RC3H1: variants seen among roughly 807,000 people sequenced by gnomAD.
RC3H1 encodes the protein ring finger and CCCH-type domains 1, also known as roquin-1.
A neutral mutation model predicts 138.2 loss-of-function variants in RC3H1; 50 were observed. The ratio of observed to expected loss-of-function variants is 0.36; its 90% confidence interval spans 0.29 to 0.46. The LOEUF (loss-of-function observed/expected upper bound fraction) is 0.46. Among genes scored for constraint, RC3H1 ranks in the 20% least tolerant of loss-of-function variants. The pLI is 1.00. For synonymous variants in RC3H1, 462 were observed against 489.1 expected (o/e 0.94, Z 0.73); for missense variants, 1,031 against 1,388.1 (o/e 0.74, Z 4.09).
rs748994441 is a variant in RC3H1, at chr1:173,961,149, C to T, written c.2298G>A (p.Glu766=). ...GAGGTGGAGAGATAACCTTTCTTTC[C>T]TCTAGCTGGGCCATTATTTCCTTTC... ...RRRKEIMAQL[E]ERKVISPPPF... The change falls in exon 13 of 20, where the codon GAG becomes GAA. Residue 766 remains glutamate (E), a synonymous_variant. Transcript: ENST00000367696. The T allele has an allele frequency of 9.9e-6, 16 of 1,613,932 alleles. No individual in the cohort carries two copies. The African/African-American group carries it at 1.1e-4, about 11-fold the overall frequency.
intron 18 of RC3H1, 111 bp from the exon 19 acceptor site, chr1:173,941,491 G>A (rs867696114): frequency 7.5e-6 from 5 of 666,980 alleles, no homozygotes; most frequent in African/African-American, 3.6e-5. Context: ...ATTCAATTTT[G>A]TAAAATAACC....
chr1:173,949,566 G>C (rs953761102), intron 14 of RC3H1, among the ~76,000 whole-genome samples: 4 of 151,956 alleles, frequency 2.6e-5, no homozygotes, highest in Non-Finnish European at 5.9e-5. Context: ...ATGAGGTTTC[G>C]CCATGTTGCC....
At chr1:173,961,578 C>G in intron 12 of RC3H1, 147 bp downstream of exon 12, 1 of 809,738 alleles carries the variant, frequency 1.2e-6, no homozygotes, top group South Asian at 2.9e-5. Context: ...AAAAAAAATA[C>G]CCAAATTATG....
intron 13 of RC3H1, among the ~76,000 whole-genome samples, chr1:173,958,262 G>T (rs922142642): frequency 6.6e-6 from 1 of 152,030 alleles, no homozygotes; most frequent in African/African-American, 2.4e-5. Context: ...GATTTTTTGG[G>T]CAGGGCACAG....
chr1:174,003,385 TCACA>T (rs3220994), intron 1 of RC3H1, among the ~76,000 whole-genome samples: 11,139 of 143,216 alleles, frequency 0.078, 990 homozygotes, highest in African/African-American at 0.22. Flanking sequence ...AAGACTCCTA[TCACA>T]CACACACACA....
intron 1 of RC3H1, among the ~76,000 whole-genome samples, chr1:174,003,385 TCA>T (rs3220994): frequency 0.042 from 6,048 of 142,958 alleles, 322 homozygotes; most frequent in African/African-American, 0.13. Context: ...AAGACTCCTA[TCA>T]CACACACACA....
intron 19 of RC3H1, among the ~76,000 whole-genome samples, chr1:173,939,862 T>C (rs567820507): frequency 1.3e-5 from 2 of 151,466 alleles, no homozygotes; most frequent in African/African-American, 4.8e-5. Context: ...GAATCCAAGA[T>C]AGTGCATGAA....
chr1:173,957,200 TTAG>T (rs1659686421), intron 13 of RC3H1, among the ~76,000 whole-genome samples: 1 of 152,196 alleles, frequency 6.6e-6, no homozygotes, highest in Admixed American at 6.5e-5. Flanking sequence ...ATAATTTTTA[TTAG>T]GAGTAAAAAT....
chr1:173,942,428 CAAAAAAA>C (rs60694243), intron 18 of RC3H1, among the ~76,000 whole-genome samples: 8 of 38,080 alleles, frequency 2.1e-4, no homozygotes, highest in African/African-American at 5.7e-4. Flanking sequence ...GACTCAGTCT[CAAAAAAA>C]AAAAAAAAAA....
chr1:173,999,193 A>G (rs2103062084), intron 1 of RC3H1, among the ~76,000 whole-genome samples: 1 of 152,212 alleles, frequency 6.6e-6, no homozygotes, highest in South Asian at 2.1e-4. Flanking sequence ...GTTTGAGACC[A>G]GCTTGACCAA....
chr1:173,970,737 A>G (rs957684992), intron 8 of RC3H1, 120 bp from the exon 9 acceptor site: 1 of 593,624 alleles, frequency 1.7e-6, no homozygotes, highest in Non-Finnish European at 2.8e-6. Context: ...TATTTAGATT[A>G]CCAAGAGCAA....
intron 19 of RC3H1, among the ~76,000 whole-genome samples, chr1:173,940,687 A>C (rs1658815234): frequency 6.6e-6 from 1 of 151,980 alleles, no homozygotes; most frequent in South Asian, 2.1e-4. Context: ...TATAATGTAA[A>C]GATATAAGGC....
chr1:173,943,715 A>C (rs1571166581), intron 17 of RC3H1, 100 bp from the exon 18 acceptor site: 2 of 1,191,842 alleles, frequency 1.7e-6, no homozygotes, highest in Non-Finnish European at 2.3e-6. Flanking sequence ...GTAGCTTATC[A>C]CCCAGCCATT....
intron 17 of RC3H1, among the ~76,000 whole-genome samples, chr1:173,945,993 C>T (rs954319126): frequency 2.0e-5 from 3 of 151,966 alleles, no homozygotes; most frequent in African/African-American, 7.3e-5. Flanking sequence ...AGGGGTGAAA[C>T]CCTATCTCTA....
At chr1:173,963,896 T>C in intron 11 of RC3H1, 77 bp downstream of exon 11, 1 of 1,213,524 alleles carries the variant, frequency 8.2e-7, no homozygotes, top group Non-Finnish European at 1.2e-6. Context: ...GGCTACTGTG[T>C]AAATGATCAC....
chr1:173,980,633 C>G (rs1160630102), intron 6 of RC3H1, among the ~76,000 whole-genome samples, 176 bp downstream of exon 6: 1 of 151,946 alleles, frequency 6.6e-6, no homozygotes, highest in East Asian at 1.9e-4. Context: ...AAAATATAAA[C>G]TAATCAAATC....
chr1:173,979,566 G>A (rs992935253), intron 6 of RC3H1, among the ~76,000 whole-genome samples: 4 of 152,184 alleles, frequency 2.6e-5, no homozygotes, highest in Non-Finnish European at 5.9e-5. Context: ...TGAGGCAGGA[G>A]AATCGCTTGA....
chr1:173,989,249 C>T (rs1661162821), intron 2 of RC3H1, among the ~76,000 whole-genome samples: 1 of 152,086 alleles, frequency 6.6e-6, no homozygotes, highest in African/African-American at 2.4e-5. Context: ...TGCCATGTTG[C>T]TTAGGCTGGT....
At position 173,935,913 on chromosome 1, in the gene RC3H1, G is replaced by A. The variant is rs964722910; in HGVS notation, c.*2808C>T. On this transcript the variant is annotated 3_prime_UTR_variant, in exon 20 of 20. Coordinates refer to ENST00000367696, the MANE Select transcript of RC3H1 (RefSeq NM_172071.4). ...GATTAGCTCTAGAGTGTAGGACCAT[G>A]GAGGGGTACAGCTTGAATTCAGGTT... The A allele has an allele frequency of 2.6e-5, 4 of 152,198 alleles. No homozygotes were observed. Among genetic ancestry groups the A allele is most frequent in the African/African-American group, 9.7e-5 (4 of 41,442 alleles). The allele number at this position is 152,198 out of a possible 1,614,324, so 9.4% of individuals were successfully genotyped here. A position where few individuals can be genotyped will look rare whatever the true frequency, so the allele number is the denominator to read the frequency against.
Sources: gnomAD v4.1 joint callset for allele counts (sites outside exome capture counted in the v4.1 genomes callset) on GRCh38, gnomAD v4.1.1 for gene constraint, MANE v1.5 for transcripts, NCBI Gene and HGNC (gene_info 2026-07-23, HGNC 2026-07-21) for gene names.